The following NEAT1 variants were observed in gnomAD, a reference collection of about 807,000 sequenced individuals.
The protein encoded by NEAT1 is nuclear paraspeckle assembly transcript 1.
At chr11:65,438,612 T>A (rs1461143111) in exon 1 of NEAT1, 1 of 152,238 alleles carries the variant, frequency 6.6e-6, no homozygotes, top group Non-Finnish European at 1.5e-5. Context: ...TGAATTTGCC[T>A]ATTCTAGGGG....
exon 1 of NEAT1, chr11:65,431,256 A>G (rs1444116712): frequency 6.6e-6 from 1 of 152,110 alleles, no homozygotes; most frequent in Non-Finnish European, 1.5e-5. Context: ...TTCTTATTTT[A>G]TATCTTTTTT....
At chr11:65,427,740 C>A (rs975425321) in exon 1 of NEAT1, 1 of 152,164 alleles carries the variant, frequency 6.6e-6, no homozygotes, top group Non-Finnish European at 1.5e-5. Flanking sequence ...TACCCCAGCA[C>A]CTCTATAACC....
chr11:65,424,414 T>C (rs1042149906), exon 1 of NEAT1: 1 of 152,190 alleles, frequency 6.6e-6, no homozygotes, highest in African/African-American at 2.4e-5. Context: ...TAGAACATTT[T>C]AACGTTGATG....
At chr11:65,424,129 T>A (rs1856536253) in exon 1 of NEAT1, 1 of 152,268 alleles carries the variant, frequency 6.6e-6, no homozygotes, top group South Asian at 2.1e-4. Context: ...ATGTTCTGTT[T>A]CCAGGCCTTG....
At chr11:65,432,982 A>G (rs567709688) in exon 1 of NEAT1, 1 of 150,278 alleles carries the variant, frequency 6.7e-6, no homozygotes, top group Admixed American at 6.6e-5. Flanking sequence ...TTAGAATAAT[A>G]TCCTCCAGCT....
exon 1 of NEAT1, chr11:65,425,718 G>A (rs1409886368): frequency 6.6e-6 from 1 of 152,088 alleles, no homozygotes; most frequent in African/African-American, 2.4e-5. Flanking sequence ...TGAATTTCAA[G>A]GGAATTTAGT....
At chr11:65,444,823 C>T in exon 1 of NEAT1, 1 of 252,210 alleles carries the variant, frequency 4.0e-6, no homozygotes, top group Non-Finnish European at 8.0e-6. Flanking sequence ...TGGCAGTTCC[C>T]AGGAAGGAAT....
chr11:65,427,596 C>G (rs922959916), exon 1 of NEAT1: 1 of 152,212 alleles, frequency 6.6e-6, no homozygotes, highest in African/African-American at 2.4e-5. Context: ...TCTGTCTGTG[C>G]TCATGGCATC....
chr11:65,423,059 A>AG (rs1856514543), exon 1 of NEAT1: 1 of 151,582 alleles, frequency 6.6e-6, no homozygotes, highest in Admixed American at 6.6e-5. Context: ...TGCCTGGTGG[A>AG]GGGGGAACTT....
chr11:65,432,047 C>A (rs1310493614), exon 1 of NEAT1: 1 of 152,132 alleles, frequency 6.6e-6, no homozygotes, highest in Non-Finnish European at 1.5e-5. Context: ...GTCTATATTT[C>A]TGTACTCACC....
chr11:65,430,819 C>T (rs1363563272), exon 1 of NEAT1: 1 of 152,130 alleles, frequency 6.6e-6, no homozygotes, highest in African/African-American at 2.4e-5. Flanking sequence ...ATATGATATC[C>T]ATTTCCCTAC....
exon 1 of NEAT1, chr11:65,426,973 C>G (rs968599676): frequency 6.6e-6 from 1 of 152,092 alleles, no homozygotes; most frequent in Non-Finnish European, 1.5e-5. Context: ...GGATTTGGGT[C>G]TAAGTGTATG....
chr11:65,433,249 G>A (rs1309922798), exon 1 of NEAT1: 2 of 152,024 alleles, frequency 1.3e-5, no homozygotes, highest in East Asian at 1.9e-4. Flanking sequence ...TTTCTCTCTG[G>A]ATCTATTTCT....
chr11:65,437,197 ATATATATATATATG>A (rs1217548837), exon 1 of NEAT1: 66 of 134,060 alleles, frequency 4.9e-4, no homozygotes, highest in African/African-American at 2.0e-3. Flanking sequence ...ATATATATGT[ATATATATATATATG>A]TATATATATA....
At chr11:65,444,976 A>C (rs1075692) in exon 1 of NEAT1, 1 of 175,140 alleles carries the variant, frequency 5.7e-6, no homozygotes, top group Non-Finnish European at 1.2e-5. Flanking sequence ...CAGGTCTTAG[A>C]TTCCCTGTTC....
exon 1 of NEAT1, chr11:65,427,848 G>C (rs1413932288): frequency 6.6e-6 from 1 of 152,168 alleles, no homozygotes; most frequent in African/African-American, 2.4e-5. Flanking sequence ...ATAGATGCCT[G>C]TATGTAAATG....
exon 1 of NEAT1, chr11:65,423,782 G>A (rs1856528474): frequency 6.6e-6 from 1 of 152,202 alleles, no homozygotes; most frequent in African/African-American, 2.4e-5. Context: ...GTGGCTGTTG[G>A]AGTCGGTATT....
At chr11:65,423,341 A>C (rs149411168) in exon 1 of NEAT1, 1 of 152,132 alleles carries the variant, frequency 6.6e-6, no homozygotes, top group African/African-American at 2.4e-5. Context: ...GTCTTGTGGA[A>C]CTGAACTTAG....
At chr11:65,423,512 A>C (rs1214136223) in exon 1 of NEAT1, 1 of 152,246 alleles carries the variant, frequency 6.6e-6, no homozygotes, top group East Asian at 1.9e-4. Context: ...ATGTGGAGTT[A>C]AGGCGCCATC....
Sources: allele counts gnomAD v4.1 joint callset, GRCh38; gene constraint gnomAD v4.1.1; transcripts MANE v1.5; gene names NCBI Gene and HGNC (gene_info 2026-07-23, HGNC 2026-07-21).